The following ALDH9A1 variants were observed in gnomAD, a reference collection of about 807,000 sequenced individuals.
The protein encoded by ALDH9A1 is 4-trimethylaminobutyraldehyde dehydrogenase.
A neutral mutation model predicts 56.6 loss-of-function variants in ALDH9A1; 42 were observed. The observed-to-expected ratio is 0.74, with a 90% CI of 0.58 to 0.96. ALDH9A1 has a LOEUF of 0.96. Among genes scored for constraint, ALDH9A1 ranks in the 40% least tolerant of loss-of-function variants. The probability of loss-of-function intolerance (pLI) is 0.00; values close to 1 mark genes in which losing one functional copy is unlikely to be tolerated. For synonymous variants in ALDH9A1, 242 were observed against 236.0 expected (o/e 1.03, Z -0.23); for missense variants, 661 against 651.5 (o/e 1.01, Z -0.16).
chr1:165,666,330 T>C (rs545883725), intron 9 of ALDH9A1, among the ~76,000 whole-genome samples: 1 of 152,272 alleles, frequency 6.6e-6, no homozygotes, highest in African/African-American at 2.4e-5. Context: ...TAGATTATGG[T>C]GATGGTTGCA....
intron 2 of ALDH9A1, among the ~76,000 whole-genome samples, chr1:165,694,462 T>C (rs1649998619): frequency 6.6e-6 from 1 of 151,660 alleles, no homozygotes; most frequent in Admixed American, 6.6e-5. Context: ...AGTTGACAAA[T>C]AAAAATTGTA....
intron 9 of ALDH9A1, among the ~76,000 whole-genome samples, chr1:165,665,806 C>T (rs1324557880): frequency 4.6e-5 from 7 of 152,082 alleles, no homozygotes; most frequent in Admixed American, 2.6e-4. Context: ...ATACGTTGTT[C>T]GGAGGAATGT....
At chr1:165,698,106 G>T in intron 1 of ALDH9A1, 1 of 702,618 alleles carries the variant, frequency 1.4e-6, no homozygotes. Context: ...TCCCCCACCA[G>T]TACTTTGCGA....
chr1:165,683,088 G>A lies in ALDH9A1; in HGVS notation c.350C>T (p.Thr117Ile), dbSNP rs368657567. The A allele has an allele frequency of 8.0e-5, 129 of 1,614,050 alleles. No individual in the cohort carries two copies. The East Asian group carries it at 2.1e-3, about 26-fold the overall frequency. ...CTTGCCATTGTTGATGCACTCCATA[G>A]TAGCAATTTCATCCTCCCGTTCCTT... is the stretch of plus-strand genomic sequence containing the variant. ...IIREREDEIA[T>I]MECINNGKSI... Residue 117 changes from threonine (T) to isoleucine (I), a missense_variant, in exon 3 of 11, where the codon ACT becomes ATT. Thr to Ile is a moderately conservative substitution (Grantham distance 89, BLOSUM62 -1). Coordinates refer to ENST00000354775, the MANE Select transcript of ALDH9A1 (RefSeq NM_000696.4).
chr1:165,692,508 G>T (rs1181328722), intron 2 of ALDH9A1, among the ~76,000 whole-genome samples: 4 of 152,060 alleles, frequency 2.6e-5, no homozygotes, highest in African/African-American at 7.2e-5. Flanking sequence ...AACTTACAAG[G>T]GATGTGAAGG....
chr1:165,698,219 C>T (rs1387670186), intron 1 of ALDH9A1, 159 bp downstream of exon 1: 2 of 1,375,158 alleles, frequency 1.5e-6, no homozygotes, highest in South Asian at 1.8e-5. Context: ...CTCGCGTTGC[C>T]CCAGAATCGC....
chr1:165,694,501 ACT>A (rs200902929), intron 2 of ALDH9A1, among the ~76,000 whole-genome samples: 1 of 135,928 alleles, frequency 7.4e-6, no homozygotes, highest in Non-Finnish European at 1.6e-5. Context: ...AAAAAGTTTA[ACT>A]CTCTTTTTTT....
chr1:165,678,972 G>A (rs1485404517), intron 6 of ALDH9A1, among the ~76,000 whole-genome samples: 1 of 151,638 alleles, frequency 6.6e-6, no homozygotes, highest in South Asian at 2.1e-4. Context: ...TCCTAGACCG[G>A]AAAAAAAACC....
chr1:165,689,655 C>T (rs1649822907), intron 2 of ALDH9A1, among the ~76,000 whole-genome samples: 3 of 152,120 alleles, frequency 2.0e-5, no homozygotes, highest in South Asian at 2.1e-4. Context: ...AAAACTAGGC[C>T]GGATGCAGTG....
At chr1:165,692,633 T>C (rs1649930602) in intron 2 of ALDH9A1, among the ~76,000 whole-genome samples, 1 of 152,090 alleles carries the variant, frequency 6.6e-6, no homozygotes, top group Admixed American at 6.5e-5. Context: ...AAAATGGCCA[T>C]ACTGCCCAAG....
chr1:165,698,397 T>C lies in ALDH9A1; in HGVS notation c.162A>G (p.Lys54=), dbSNP rs759280578. 2.5e-6 allele frequency: 4 copies of C among 1,596,110 alleles called. No individual in the cohort carries two copies. The highest frequency in any genetic ancestry group is 1.4e-5 in the African/African-American group (1 of 73,272). ...VEPADASGTE[K]AFEPATGRVI... ...AGTTACCGGTTGCTGGCTCGAAAGC[T>C]TTCTCGGTACCGGAGGCGTCCGCCG... Residue 54 remains lysine, a synonymous_variant, in exon 1 of 11, where the codon AAA becomes AAG. Coordinates refer to ENST00000354775, the MANE Select transcript of ALDH9A1 (RefSeq NM_000696.4).
chr1:165,669,378 G>A lies in ALDH9A1; in HGVS notation c.1003C>T (p.Gln335Ter). The change falls in exon 7 of 11, where the codon CAG becomes TAG. Residue 335 changes from glutamine to a stop codon, truncating the protein, a stop_gained. Coordinates refer to ENST00000354775, the MANE Select transcript of ALDH9A1 (RefSeq NM_000696.4). LOFTEE classifies it high-confidence loss of function. Reference protein sequence around the residue: ...LDKFTEEVVKQTQRIKIGDPL... With the variant: ...LDKFTEEVVK ...TCTCCAATTTTAATCCTTTGGGTCT[G>A]TTTCACCACTTCCTCTGTAAATTTA... is the stretch of plus-strand genomic sequence containing the variant. 1 of 1,613,826 alleles carries A rather than the reference G, an allele frequency of 6.2e-7. No homozygotes were observed. Among genetic ancestry groups the A allele is most frequent in the Non-Finnish European group, 8.5e-7 (1 of 1,179,880 alleles).
intron 6 of ALDH9A1, among the ~76,000 whole-genome samples, chr1:165,674,315 T>TAAA (rs56088658): frequency 1.7e-4 from 10 of 58,088 alleles, no homozygotes; most frequent in Non-Finnish European, 1.9e-4. Context: ...TTCCTTTCAC[T>TAAA]AAAAAAAAAA....
At chr1:165,697,995 C>A (rs1650146265) in intron 1 of ALDH9A1, among the ~76,000 whole-genome samples, 1 of 152,188 alleles carries the variant, frequency 6.6e-6, no homozygotes, top group Admixed American at 6.5e-5. Context: ...GGTGCCCCTG[C>A]ACTCCAGCCT....
rs777041191 is a variant in ALDH9A1, at chr1:165,683,023, G to A, written c.415C>T (p.Gln139Ter). ...EARLDIDISW[Q>*]CLEYYAGLAA... ...AAGCCCGCATAATACTCCAGGCACT[G>A]CCAGGAAATGTCAATGTCCAAGCGG... The change falls in exon 3 of 11, where the codon CAG (glutamine) becomes TAG (stop). Residue 139 changes from glutamine (Q) to a stop codon, truncating the protein, a stop_gained. Coordinates refer to ENST00000354775, the MANE Select transcript of ALDH9A1 (RefSeq NM_000696.4). LOFTEE classifies it high-confidence loss of function. 3 of 1,613,936 alleles carry A rather than the reference G, an allele frequency of 1.9e-6. No homozygotes were observed. Among genetic ancestry groups the A allele is most frequent in the Admixed American group, 3.3e-5 (2 of 59,976 alleles).
chr1:165,685,935 C>T lies in ALDH9A1; in HGVS notation c.328-2825G>A, dbSNP rs375619140. On this transcript the variant is annotated intron_variant, in intron 2 of 10. Coordinates refer to ENST00000354775, the MANE Select transcript of ALDH9A1 (RefSeq NM_000696.4). Reference sequence around the variant, plus strand: ...TAACATTCTCCCTCCCCTTTTAATCCAAATGATAGCTACTTCACAAGGGGT... The same window carrying T: ...TAACATTCTCCCTCCCCTTTTAATCTAAATGATAGCTACTTCACAAGGGGT... Among the ~76,000 whole-genome samples the T allele has an allele frequency of 9.2e-5, 14 of 152,212 alleles. No individual in the cohort carries two copies. The East Asian group carries it at 2.1e-3, about 23-fold the overall frequency.
In ALDH9A1 at chr1:165,674,815, A is replaced by G. The variant is rs936148603; in HGVS notation, c.930+4627T>C. Among the ~76,000 whole-genome samples, 3 of 152,334 alleles carry G rather than the reference A, an allele frequency of 2.0e-5. No homozygotes were observed. In the South Asian group the frequency reaches 6.2e-4, roughly 32 times the overall value. ...TCTGCACTCCCATGCTCAGTGCAGC[A>G]TTATTCACAATAACCAAGATAAGGA... On this transcript the variant is annotated intron_variant, in intron 6 of 10. Coordinates refer to ENST00000354775, the MANE Select transcript of ALDH9A1 (RefSeq NM_000696.4).
intron 1 of ALDH9A1, among the ~76,000 whole-genome samples, chr1:165,697,131 C>G (rs1375412787): frequency 6.6e-6 from 1 of 152,190 alleles, no homozygotes; most frequent in East Asian, 1.9e-4. Flanking sequence ...ACAAAAAGCC[C>G]CTTCTTCCTT....
intron 6 of ALDH9A1, among the ~76,000 whole-genome samples, chr1:165,674,471 G>A (rs1229953044): frequency 6.6e-6 from 1 of 151,984 alleles, no homozygotes; most frequent in Admixed American, 6.6e-5. Context: ...CAGATCACCT[G>A]AGGTCAGGAG....
Sources: allele counts gnomAD v4.1 joint callset (sites outside exome capture counted in the v4.1 genomes callset), GRCh38; gene constraint gnomAD v4.1.1; transcripts MANE v1.5; gene names NCBI Gene and HGNC (gene_info 2026-07-23, HGNC 2026-07-21).